GRM8: variants seen among roughly 807,000 people sequenced by gnomAD.
The protein encoded by GRM8 is metabotropic glutamate receptor 8.
GRM8 carries 47 observed loss-of-function variants against 87.2 expected under a neutral mutation model. The observed-to-expected ratio is 0.54, with a 90% confidence interval of 0.43 to 0.69. The LOEUF (loss-of-function observed/expected upper bound fraction) is 0.69, where lower values mean the gene tolerates loss of function less well. GRM8 is among the 30% of genes least tolerant of loss of function. The pLI, the probability that GRM8 is intolerant of heterozygous loss-of-function variation, is 0.00. For missense variants in GRM8, 1,019 were observed against 1,139.2 expected (o/e 0.89, Z 1.52); for synonymous variants, 396 against 404.5 (o/e 0.98, Z 0.25).
chr7:126,692,591 T>A (rs540866501), intron 7 of GRM8, among the ~76,000 whole-genome samples: 1 of 152,298 alleles, frequency 6.6e-6, no homozygotes, highest in South Asian at 2.1e-4. Flanking sequence ...CAGCAGCACA[T>A]AATGGAAAAA....
At chr7:126,450,929 C>T (rs1024066798) in intron 9 of GRM8, among the ~76,000 whole-genome samples, 1 of 151,856 alleles carries the variant, frequency 6.6e-6, no homozygotes, top group South Asian at 2.1e-4. Context: ...GAATTACACC[C>T]TTAAACCAAG....
chr7:127,113,091 G>A (rs1046965532), intron 2 of GRM8, among the ~76,000 whole-genome samples: 1 of 152,160 alleles, frequency 6.6e-6, no homozygotes, highest in Non-Finnish European at 1.5e-5. Context: ...GAGGCTCCAA[G>A]GGGATCAGAG....
intron 7 of GRM8, among the ~76,000 whole-genome samples, chr7:126,681,534 G>A (rs1807582598): frequency 6.6e-6 from 1 of 152,240 alleles, no homozygotes; most frequent in Non-Finnish European, 1.5e-5. Context: ...TATCCCTGGA[G>A]CTATTCCTCA....
Position 126,830,395 on chromosome 7 carries a change from T to C in GRM8, c.1157-60330A>G, listed in dbSNP as rs547224902. On this transcript the variant is annotated intron_variant, in intron 6 of 10. Transcript: ENST00000339582. Reference sequence around the variant, plus strand: ...AGTCCCATATTTCGTGGAGGCTTTGTTCATTTCTTTTTATTATTTTTTCTC... The same window carrying C: ...AGTCCCATATTTCGTGGAGGCTTTGCTCATTTCTTTTTATTATTTTTTCTC... Among the ~76,000 whole-genome samples the C allele has an allele frequency of 5.9e-5, 9 of 152,276 alleles. No homozygotes were observed. The South Asian group carries it at 1.2e-3, about 21-fold the overall frequency.
At chr7:126,874,246 G>A (rs1799353271) in intron 6 of GRM8, among the ~76,000 whole-genome samples, 1 of 152,044 alleles carries the variant, frequency 6.6e-6, no homozygotes, top group South Asian at 2.1e-4. Context: ...TAAAGGAGGT[G>A]CATGACTGGG....
At chr7:126,864,633 A>G (rs189158288) in intron 6 of GRM8, among the ~76,000 whole-genome samples, 1 of 152,096 alleles carries the variant, frequency 6.6e-6, no homozygotes, top group Non-Finnish European at 1.5e-5. Flanking sequence ...TTAAGTCTAT[A>G]CCTTTTAAGA....
At chr7:126,560,442 C>CT (rs1463946996) in intron 8 of GRM8, among the ~76,000 whole-genome samples, 1 of 151,986 alleles carries the variant, frequency 6.6e-6, no homozygotes, top group African/African-American at 2.4e-5. Flanking sequence ...GGGGGGAATG[C>CT]TTTTAGTCAG....
At chr7:127,075,426 A>G (rs569531651) in intron 3 of GRM8, among the ~76,000 whole-genome samples, 15 of 152,338 alleles carry the variant, frequency 9.8e-5, no homozygotes, top group Middle Eastern at 6.8e-3. Context: ...ATAGAAATAC[A>G]CTAAAATATT....
At chr7:126,740,351 A>C (rs1460534347) in intron 7 of GRM8, among the ~76,000 whole-genome samples, 2 of 152,140 alleles carry the variant, frequency 1.3e-5, no homozygotes, top group Non-Finnish European at 2.9e-5. Flanking sequence ...CTAGGAGATA[A>C]CTTGTATCAA....
chr7:126,580,872 A>T (rs1795543938), intron 8 of GRM8, among the ~76,000 whole-genome samples: 1 of 152,170 alleles, frequency 6.6e-6, no homozygotes, highest in South Asian at 2.1e-4. Context: ...TTCGTAGTTA[A>T]AACAACTTAT....
intron 8 of GRM8, among the ~76,000 whole-genome samples, chr7:126,595,708 G>A (rs772658778): frequency 2.0e-5 from 3 of 152,042 alleles, no homozygotes; most frequent in Non-Finnish European, 4.4e-5. Flanking sequence ...TGGCCATGTA[G>A]TATTCCATGA....
intron 6 of GRM8, among the ~76,000 whole-genome samples, chr7:126,827,761 G>T (rs1283256266): frequency 9.2e-5 from 14 of 152,208 alleles, no homozygotes; most frequent in Admixed American, 9.2e-4. Flanking sequence ...GAAAAGGAGT[G>T]GTGAGAGAGG....
intron 2 of GRM8, among the ~76,000 whole-genome samples, chr7:127,187,831 C>A (rs1262157235): frequency 2.6e-5 from 4 of 152,178 alleles, no homozygotes; most frequent in African/African-American, 9.7e-5. Flanking sequence ...TCACCAGGTT[C>A]AAATGACTGA....
At chr7:126,771,424 G>A (rs754548139) in intron 6 of GRM8, among the ~76,000 whole-genome samples, 3 of 151,518 alleles carry the variant, frequency 2.0e-5, no homozygotes, top group Admixed American at 1.3e-4. Flanking sequence ...GCTCCTCCCT[G>A]TTTGGCATAG....
At chr7:126,596,273 A>G (rs983781087) in intron 8 of GRM8, among the ~76,000 whole-genome samples, 10 of 152,310 alleles carry the variant, frequency 6.6e-5, no homozygotes, top group African/African-American at 2.4e-4. Flanking sequence ...CTTTTGCACC[A>G]GCAGTGTATA....
At chr7:126,602,213 T>C (rs1797854851) in intron 8 of GRM8, among the ~76,000 whole-genome samples, 1 of 143,826 alleles carries the variant, frequency 7.0e-6, no homozygotes, top group Non-Finnish European at 1.5e-5. Flanking sequence ...TGCTTGTTTT[T>C]CTCAGGTTTG....
intron 10 of GRM8, chr7:126,445,406 G>C (rs1801909933): frequency 6.6e-6 from 1 of 152,042 alleles, no homozygotes; most frequent in African/African-American, 2.4e-5. Context: ...TCTACTGGTT[G>C]AGCACAGATT....
intron 3 of GRM8, among the ~76,000 whole-genome samples, chr7:126,985,012 C>T (rs1245977067): frequency 6.6e-6 from 1 of 151,906 alleles, no homozygotes; most frequent in Non-Finnish European, 1.5e-5. Context: ...CCAATAAATT[C>T]TTCCACCACA....
intron 9 of GRM8, chr7:126,512,642 G>A (rs1679737721): frequency 6.6e-6 from 1 of 152,108 alleles, no homozygotes; most frequent in Admixed American, 6.6e-5. Flanking sequence ...AGAGGCTTTG[G>A]ACATTTCCAG....
Sources: gnomAD v4.1 joint callset for allele counts (sites outside exome capture counted in the v4.1 genomes callset) on GRCh38, gnomAD v4.1.1 for gene constraint, MANE v1.5 for transcripts, NCBI Gene and HGNC (gene_info 2026-07-23, HGNC 2026-07-21) for gene names.